The following NOS3 variants were observed in gnomAD, a reference collection of about 807,000 sequenced individuals.
The protein encoded by NOS3 is nitric oxide synthase 3.
Under a neutral mutation model 144.9 loss-of-function variants are expected in NOS3, and 98 were observed. The ratio of observed to expected loss-of-function variants is 0.68; its 90% CI spans 0.57 to 0.80. The LOEUF is 0.80. Ranked by LOEUF, NOS3 falls within the 30% of genes least tolerant of loss-of-function variation. The pLI is 0.00. For synonymous variants in NOS3, 714 were observed against 702.4 expected (o/e 1.02, Z -0.26); for missense variants, 1,465 against 1,656.4 (o/e 0.88, Z 2.01).
intron 23 of NOS3, chr7:151,012,148 C>A: frequency 1.9e-6 from 1 of 529,110 alleles, no homozygotes; most frequent in South Asian, 2.7e-5. Context: ...CCAAAATGAA[C>A]TATATTTCCT....
In NOS3 at chr7:151,010,705, C is replaced by T. The variant is rs1312497678; in HGVS notation, c.2794C>T (p.Leu932=). ...GCCTGCCCCACTGCTCCTCACCCAG[C>T]TGCCTCTGCTCCAGCCCCGGTACTA... ...ALPAPLLLTQ[L]PLLQPRYYSV... is the part of the protein sequence containing the mutation. Residue 932 remains leucine, a synonymous_variant, in exon 22 of 27, where the codon CTG becomes TTG. Transcript: ENST00000297494. 1.2e-6 allele frequency: 2 copies of T among 1,612,296 alleles called. No homozygotes were observed. Among genetic ancestry groups the T allele is most frequent in the Non-Finnish European group, 1.7e-6 (2 of 1,179,358 alleles).
In NOS3 at chr7:151,003,345, C is replaced by CT. The variant is rs541591112; in HGVS notation, c.1752+1042dup. 7.7e-5 allele frequency: 73 copies of CT among 949,808 alleles called. No individual in the cohort carries two copies. The East Asian group carries it at 4.3e-3, about 56-fold the overall frequency. 58.8% of individuals were successfully genotyped at this position (949,808 alleles called of 1,614,324 possible). A position where few individuals can be genotyped will look rare whatever the true frequency, so the allele number is the denominator to read the frequency against. On this transcript the variant is annotated intron_variant, in intron 14 of 26. Transcript: ENST00000297494. The surrounding 1 kb of genome is among the most constrained non-coding windows in gnomAD (Gnocchi z 4.1). ...TTCGCCATGTTGCCCAGGCTGGTCT[C>CT]TAACTCCTGGGTTCAAGCAATCCAC...
chr7:151,013,696 G>C (rs376693013), intron 25 of NOS3, 28 bp from the exon 26 acceptor site: 1 of 1,528,164 alleles, frequency 6.5e-7, no homozygotes, highest in African/African-American at 1.4e-5. Flanking sequence ...CCCCCACCAG[G>C]GCCCGCCCTA....
chr7:150,999,265 G>A lies in NOS3; in HGVS notation c.1032G>A (p.Gly344=). The change falls in exon 9 of 27, where the codon GGG becomes GGA. Residue 344 remains glycine (G), a synonymous_variant. Transcript: ENST00000297494. ...TGTCCAACATGCTGCTGGAAATTGGGGGCCTGGAGTTCCCCGCAGCCCCCT... is the reference window on the plus strand; with the variant it reads ...TGTCCAACATGCTGCTGGAAATTGGAGGCCTGGAGTTCCCCGCAGCCCCCT... ...PAVSNMLLEI[G]GLEFPAAPFS... 6.2e-7 allele frequency: 1 copy of A among 1,612,282 alleles called. No homozygotes were observed. The highest frequency in any genetic ancestry group is 1.1e-5 in the South Asian group (1 of 91,066).
At chr7:151,008,799 C>T in intron 17 of NOS3, 131 bp from the exon 18 acceptor site, 1 of 1,078,132 alleles carries the variant, frequency 9.3e-7, no homozygotes, top group Non-Finnish European at 1.3e-6. Flanking sequence ...AAGGTGCTGT[C>T]CTTGGCGCCG....
chr7:151,008,993 C>T lies in NOS3; in HGVS notation c.2176C>T (p.Pro726Ser). The T allele has an allele frequency of 6.2e-7, 1 of 1,611,886 alleles. No individual in the cohort carries two copies. The highest frequency in any genetic ancestry group is 8.5e-7 in the Non-Finnish European group (1 of 1,179,482). ...AKAAARDIFSPKRSWKRQRYR... is the reference protein window; with the variant it reads ...AKAAARDIFSSKRSWKRQRYR... ...GGCCGCCGCCCGAGACATCTTCAGC[C>T]CCAAACGGAGCTGGAAGCGCCAGAG... The change falls in exon 18 of 27, where the codon CCC (proline) becomes TCC (serine). Residue 726 changes from proline (P) to serine (S), a missense_variant. Physicochemically the swap from Pro to Ser is moderately conservative, Grantham distance 74 (BLOSUM62 -1). This residue lies in a region of NOS3 where 745 missense variants were observed against 853.9 expected (regional missense o/e 0.87). Coordinates refer to ENST00000297494, the MANE Select transcript of NOS3 (RefSeq NM_000603.5).
In NOS3 at chr7:151,008,852, A is replaced by G. The variant is rs1704840344; in HGVS notation, c.2113-78A>G. The G allele has an allele frequency of 2.7e-6, 4 of 1,471,890 alleles. 1 individual carries two copies. Among genetic ancestry groups the G allele is most frequent in the South Asian group, 2.8e-5 (2 of 72,174 alleles). The allele number at this position is 1,471,890 out of a possible 1,614,324, so 91.2% of individuals were successfully genotyped here. A position where few individuals can be genotyped will look rare whatever the true frequency, so the allele number is the denominator to read the frequency against. On this transcript the variant is annotated intron_variant, in intron 17 of 26. Transcript: ENST00000297494. ...TGCCAACCCCCCAGGAGCAAGACGC[A>G]GTGAAGCCGCCCAGGCGCCTCACTA...
chr7:150,993,688 G>A lies in NOS3; in HGVS notation c.-51-65G>A, dbSNP rs995937652. 4.3e-5 allele frequency: 45 copies of A among 1,058,232 alleles called. No individual in the cohort carries two copies. The Middle Eastern group carries it at 9.8e-4, about 23-fold the overall frequency. The allele number at this position is 1,058,232 out of a possible 1,614,324, so 65.6% of individuals were successfully genotyped here. A position where few individuals can be genotyped will look rare whatever the true frequency, so the allele number is the denominator to read the frequency against. ...ATTGTGTATGGGATAGGGGCGGGGC[G>A]AGGGCCAGCACTGGAGAGCCCCCTC... On this transcript the variant is annotated intron_variant, in intron 1 of 26. Transcript: ENST00000297494. The surrounding 1 kb of genome is among the most constrained non-coding windows in gnomAD (Gnocchi z 4.0).
Position 150,998,329 on chromosome 7 carries a change from T to C in NOS3, c.583-28T>C, listed in dbSNP as rs769963487. 1 of 1,602,232 alleles carries C rather than the reference T, an allele frequency of 6.2e-7. No individual in the cohort carries two copies. The highest frequency in any genetic ancestry group is 1.7e-5 in the Admixed American group (1 of 58,658). ...AGACCCCCCGTCTCTCTCCTCACCC[T>C]CCTCTCCCGCTGCCTCGGCTGGCTC... On this transcript the variant is annotated intron_variant, in intron 5 of 26. Coordinates refer to ENST00000297494, the MANE Select transcript of NOS3 (RefSeq NM_000603.5). The surrounding 1 kb of genome is among the most constrained non-coding windows in gnomAD (Gnocchi z 5.0).
chr7:151,010,976 T>C lies in NOS3; in HGVS notation c.2974T>C (p.Phe992Leu). 6.2e-7 allele frequency: 1 copy of C among 1,613,044 alleles called. No individual in the cohort carries two copies. Among genetic ancestry groups the C allele is most frequent in the Non-Finnish European group, 8.5e-7 (1 of 1,179,370 alleles). ...QLKPGDPVPC[F>L]IRGAPSFRLP... ...CAAGCCCGGAGACCCTGTGCCCTGC[T>C]TCATCCGGGGGTAAGTGAGATGGAA... Residue 992 changes from phenylalanine to leucine, a missense_variant, in exon 23 of 27, where the codon TTC becomes CTC. Physicochemically the swap from Phe to Leu is conservative, Grantham distance 22 (BLOSUM62 0). This residue lies in a region of NOS3 where 106 missense variants were observed against 167.7 expected (regional missense o/e 0.63). Coordinates refer to ENST00000297494, the MANE Select transcript of NOS3 (RefSeq NM_000603.5).
rs140965459 is a variant in NOS3, at chr7:151,003,334, C to T, written c.1752+1030C>T. On this transcript the variant is annotated intron_variant, in intron 14 of 26. Coordinates refer to ENST00000297494, the MANE Select transcript of NOS3 (RefSeq NM_000603.5). The surrounding 1 kb of genome is among the most constrained non-coding windows in gnomAD (Gnocchi z 4.1). ...AGAGATGGGGTTTCGCCATGTTGCCCAGGCTGGTCTCTAACTCCTGGGTTC... is the reference window on the plus strand; with the variant it reads ...AGAGATGGGGTTTCGCCATGTTGCCTAGGCTGGTCTCTAACTCCTGGGTTC... The T allele has an allele frequency of 2.3e-4, 183 of 790,482 alleles. 1 individual carries two copies. In the African/African-American group the frequency reaches 2.9e-3, roughly 12 times the overall value. The allele number at this position is 790,482 out of a possible 1,614,324, so 49.0% of individuals were successfully genotyped here.
chr7:150,995,049 C>T (rs41394247), intron 2 of NOS3, among the ~76,000 whole-genome samples, 154 bp from the exon 3 acceptor site: 1,852 of 152,286 alleles, frequency 0.012, 42 homozygotes, highest in African/African-American at 0.042. Flanking sequence ...AGGCACAGCT[C>T]GCCTCTAGCT....
In NOS3 at chr7:151,003,427, T is replaced by G. The variant is rs2566508; in HGVS notation, c.1752+1123T>G. The G allele has an allele frequency of 0.18, 217,284 of 1,217,162 alleles. 21,670 individuals are homozygous for G. Among genetic ancestry groups the G allele is most frequent in the Admixed American group, 0.43 (14,828 of 34,814 alleles). 75.4% of individuals were successfully genotyped at this position (1,217,162 alleles called of 1,614,324 possible). ...AGACGTGAGCCACTGCACCTGGCCC[T>G]CAGTATCTTAAGCAAGTTGGAATCT... On this transcript the variant is annotated intron_variant, in intron 14 of 26. Coordinates refer to ENST00000297494, the MANE Select transcript of NOS3 (RefSeq NM_000603.5). This position sits in a 1 kb window ranked among gnomAD's most constrained non-coding sequence, Gnocchi z 4.1.
In NOS3 at chr7:150,999,185, C is replaced by T. The variant is rs576087004; in HGVS notation, c.957-5C>T. 22 of 1,609,438 alleles carry T rather than the reference C, an allele frequency of 1.4e-5. No individual in the cohort carries two copies. In the South Asian group the frequency reaches 2.3e-4, roughly 17 times the overall value. Reference sequence around the variant, plus strand: ...GGTGCTGATCCCACACCCCAACACCCCCAGGCTGGAGTGGTTTGCAGCCCT... The same window carrying T: ...GGTGCTGATCCCACACCCCAACACCTCCAGGCTGGAGTGGTTTGCAGCCCT... On this transcript the variant is annotated splice_region_variant and splice_polypyrimidine_tract_variant and intron_variant, in intron 8 of 26. Transcript: ENST00000297494.
chr7:151,002,547 A>G lies in NOS3; in HGVS notation c.1752+243A>G, dbSNP rs933509343. ...CCCACCCATGTGGCTGCCTCCCTGC[A>G]AGCACATTTGCTTAACTGCGCGTCC... On this transcript the variant is annotated intron_variant, in intron 14 of 26. Transcript: ENST00000297494. This position sits in a 1 kb window ranked among gnomAD's most constrained non-coding sequence, Gnocchi z 4.1. Among the ~76,000 whole-genome samples the G allele has an allele frequency of 2.0e-5, 3 of 152,126 alleles. No individual in the cohort carries two copies. The highest frequency in any genetic ancestry group is 4.4e-5 in the Non-Finnish European group (3 of 68,026).
intron 14 of NOS3, among the ~76,000 whole-genome samples, chr7:151,006,206 G>A (rs944237809): frequency 2.0e-5 from 3 of 152,164 alleles, no homozygotes; most frequent in Non-Finnish European, 4.4e-5. Flanking sequence ...TGTCAATGGC[G>A]CATATGCCCG....
rs748323632 is a variant in NOS3 at position 151,014,090 on chromosome 7, T to A, written c.3533T>A (p.Phe1178Tyr). ...EVTSRIRTQSFSLQERQLRGA... is the reference protein window; with the variant it reads ...EVTSRIRTQSYSLQERQLRGA... ...ACAAGCCGCATACGCACCCAGAGCT[T>A]TTCCTTGCAGGAGCGTCAGTTGCGG... is the stretch of plus-strand genomic sequence containing the variant. The change falls in exon 27 of 27, where the codon TTT becomes TAT. Residue 1178 changes from phenylalanine to tyrosine, a missense_variant. By Grantham distance (22) the Phe-to-Tyr change is conservative (BLOSUM62 3). Around this residue, in one of 5 missense-constraint regions of NOS3, gnomAD observed 228 missense variants for 227.7 expected, o/e 1.00. Coordinates refer to ENST00000297494, the MANE Select transcript of NOS3 (RefSeq NM_000603.5). 11 of 1,613,700 alleles carry A rather than the reference T, an allele frequency of 6.8e-6. No homozygotes were observed. The highest frequency in any genetic ancestry group is 1.6e-4 in the Middle Eastern group (1 of 6,084).
intron 17 of NOS3, 93 bp downstream of exon 17, chr7:151,007,369 C>G: frequency 7.5e-7 from 1 of 1,327,764 alleles, no homozygotes. Context: ...TCTTTGGTCC[C>G]TTCCTGTTCC....
Position 151,014,153 on chromosome 7 carries a change from A to G in NOS3, c.3596A>G (p.Asp1199Gly). 1 of 1,607,420 alleles carries G rather than the reference A, an allele frequency of 6.2e-7. No individual in the cohort carries two copies. Among genetic ancestry groups the G allele is most frequent in the South Asian group, 1.1e-5 (1 of 90,968 alleles). ...VPWAFDPPGS[D>G]TNSP ...TGGGCGTTCGACCCTCCCGGCTCAGACACCAACAGCCCCTGAGAGCCGCCT... is the reference window on the plus strand; with the variant it reads ...TGGGCGTTCGACCCTCCCGGCTCAGGCACCAACAGCCCCTGAGAGCCGCCT... The change falls in exon 27 of 27, where the codon GAC becomes GGC. Residue 1199 changes from aspartate (D) to glycine (G), a missense_variant. Physicochemically the swap from Asp to Gly is moderately conservative, Grantham distance 94 (BLOSUM62 -1). Transcript: ENST00000297494.
Sources: allele counts gnomAD v4.1 joint callset (sites outside exome capture counted in the v4.1 genomes callset), GRCh38; gene constraint gnomAD v4.1.1; regional missense constraint gnomAD v4.1.1; non-coding constraint Gnocchi (gnomAD v3.1); transcripts MANE v1.5; gene names NCBI Gene and HGNC (gene_info 2026-07-23, HGNC 2026-07-21).